Variants in ASPH observed in about 807,000 individuals in gnomAD.
ASPH encodes aspartyl/asparaginyl beta-hydroxylase.
A neutral mutation model predicts 118.4 loss-of-function variants in ASPH; 100 were observed. That is an observed-to-expected ratio of 0.84 (90% CI 0.72 to 1.00). The LOEUF is 1.00. Ranked by LOEUF, ASPH falls within the 50% of genes least tolerant of loss-of-function variation. The pLI, the probability that ASPH is intolerant of heterozygous loss-of-function variation, is 0.00. For synonymous variants in ASPH, 315 were observed against 325.6 expected (o/e 0.97, Z 0.35); for missense variants, 920 against 919.5 (o/e 1.00, Z -0.01).
At chr8:61,639,873 C>G (rs1024762510) in intron 10 of ASPH, among the ~76,000 whole-genome samples, 3 of 152,166 alleles carry the variant, frequency 2.0e-5, no homozygotes, top group Non-Finnish European at 4.4e-5. Flanking sequence ...CCCCCTGTCA[C>G]CAGGCTGCAG....
Position 61,643,976 on chromosome 8 carries a change from C to T in ASPH, c.678G>A (p.Met226Ile), listed in dbSNP as rs766064099. The T allele has an allele frequency of 5.0e-6, 8 of 1,611,008 alleles. No homozygotes were observed. The South Asian group carries it at 8.8e-5, about 18-fold the overall frequency. ...TTTCCTGCTCAGACATCATCTCTTC[C>T]ATATCCTGATTACAGTCTTGTGAAA... ...ETVSQDCNQD[M>I]EEMMSEQENP... Residue 226 changes from methionine (M) to isoleucine (I), a missense_variant, in exon 8 of 25, where the codon ATG becomes ATA. Coordinates refer to ENST00000379454, the MANE Select transcript of ASPH (RefSeq NM_004318.4).
intron 13 of ASPH, among the ~76,000 whole-genome samples, chr8:61,622,333 A>G (rs1851259579): frequency 6.6e-6 from 1 of 152,172 alleles, no homozygotes; most frequent in Non-Finnish European, 1.5e-5. Flanking sequence ...CGAGACTCTG[A>G]GACTCCGTCT....
intron 3 of ASPH, among the ~76,000 whole-genome samples, chr8:61,669,349 T>C (rs1821270867): frequency 6.6e-6 from 1 of 152,206 alleles, no homozygotes. Context: ...GGTTGAAATA[T>C]CAATATTCTT....
intron 5 of ASPH, among the ~76,000 whole-genome samples, 193 bp downstream of exon 5, chr8:61,650,857 C>A (rs573097944): frequency 1.3e-5 from 2 of 152,142 alleles, no homozygotes; most frequent in Middle Eastern, 3.2e-3. Flanking sequence ...AGTTCCTCCA[C>A]GGTGAAGTAG....
At chr8:61,645,169 T>A (rs1168678950) in intron 6 of ASPH, among the ~76,000 whole-genome samples, 2 of 152,210 alleles carry the variant, frequency 1.3e-5, no homozygotes, top group Non-Finnish European at 2.9e-5. Flanking sequence ...TTAATGCATA[T>A]ATAAAGAATA....
At chr8:61,662,516 T>C (rs1817422326) in intron 3 of ASPH, among the ~76,000 whole-genome samples, 1 of 152,150 alleles carries the variant, frequency 6.6e-6, no homozygotes, top group African/African-American at 2.4e-5. Context: ...AACAACCTAC[T>C]GAATAAAAAG....
intron 15 of ASPH, chr8:61,579,077 T>C (rs1836444775): frequency 1.2e-6 from 2 of 1,609,544 alleles, no homozygotes; most frequent in South Asian, 1.1e-5. Flanking sequence ...AGATCAAGTA[T>C]GAGGAGCTGC....
At chr8:61,575,097 T>C (rs58048003) in intron 16 of ASPH, among the ~76,000 whole-genome samples, 14,388 of 152,148 alleles carry the variant, frequency 0.095, 967 homozygotes, top group East Asian at 0.27. Context: ...CCACATGTTG[T>C]CTCCCCAGAG....
chr8:61,706,455 A>AAGAAGG (rs1554594966), intron 1 of ASPH, among the ~76,000 whole-genome samples: 16 of 142,214 alleles, frequency 1.1e-4, no homozygotes, highest in African/African-American at 3.8e-4. Context: ...GAAGAAGAAG[A>AAGAAGG]AGGAGGAAGA....
chr8:61,700,755 A>AT (rs1409949952), intron 1 of ASPH, among the ~76,000 whole-genome samples: 1 of 152,230 alleles, frequency 6.6e-6, no homozygotes, highest in Non-Finnish European at 1.5e-5. Context: ...TTCCGCTACA[A>AT]TATTAACATG....
chr8:61,501,368 A>G lies in ASPH; in HGVS notation c.*1991T>C, dbSNP rs1804899197. 6.6e-6 allele frequency: 1 copy of G among 152,178 alleles called. No individual in the cohort carries two copies. Among genetic ancestry groups the G allele is most frequent in the African/African-American group, 2.4e-5 (1 of 41,464 alleles). 9.4% of individuals were successfully genotyped at this position (152,178 alleles called of 1,614,324 possible). On this transcript the variant is annotated 3_prime_UTR_variant, in exon 25 of 25. Coordinates refer to ENST00000379454, the MANE Select transcript of ASPH (RefSeq NM_004318.4). ...AGCTTTTCAATTGGCAATACTTAGA[A>G]CCTTACTGTAGTGACCTGATTTTAA...
chr8:61,684,567 T>C (rs777423090), intron 1 of ASPH: 46 of 163,892 alleles, frequency 2.8e-4, no homozygotes, highest in Non-Finnish European at 4.8e-4. Flanking sequence ...TCCCATTTCA[T>C]TTCTGCAGAA....
intron 1 of ASPH, among the ~76,000 whole-genome samples, chr8:61,707,374 A>T (rs1468798398): frequency 1.3e-5 from 2 of 152,230 alleles, no homozygotes; most frequent in Admixed American, 6.5e-5. Context: ...TAATTAGAAA[A>T]ATGCAAGTTT....
intron 16 of ASPH, among the ~76,000 whole-genome samples, chr8:61,571,932 C>G (rs1297470897): frequency 6.6e-6 from 1 of 152,168 alleles, no homozygotes; most frequent in Non-Finnish European, 1.5e-5. Flanking sequence ...TTAGCAATTT[C>G]AGAGAATTAC....
intron 21 of ASPH, among the ~76,000 whole-genome samples, chr8:61,526,414 A>T (rs1328876377): frequency 6.6e-6 from 1 of 152,180 alleles, no homozygotes; most frequent in East Asian, 1.9e-4. Flanking sequence ...CCACAACCTA[A>T]GAAGAGTACT....
At chr8:61,691,128 T>G (rs185734116) in intron 1 of ASPH, among the ~76,000 whole-genome samples, 17 of 152,338 alleles carry the variant, frequency 1.1e-4, no homozygotes, top group Admixed American at 9.8e-4. Flanking sequence ...GATGCCTGTT[T>G]TAGGGGCAGT....
intron 3 of ASPH, among the ~76,000 whole-genome samples, chr8:61,655,912 A>G (rs180829931): frequency 1.3e-5 from 2 of 152,254 alleles, no homozygotes; most frequent in Non-Finnish European, 2.9e-5. Context: ...CCTCCTCTAG[A>G]CCTCTATAAA....
chr8:61,567,268 T>G lies in ASPH; in HGVS notation c.1200A>C (p.Gly400=). The G allele has an allele frequency of 6.2e-7, 1 of 1,614,088 alleles. No individual in the cohort carries two copies. The highest frequency in any genetic ancestry group is 8.5e-7 in the Non-Finnish European group (1 of 1,180,012). ...EKRRSNEVLR[G]AIETYQEVAS... Reference sequence around the variant, plus strand: ...CCACCTCTTGGTAGGTCTCGATGGCTCCACGTAGCACCTCATTACTTCTCC... The same window carrying G: ...CCACCTCTTGGTAGGTCTCGATGGCGCCACGTAGCACCTCATTACTTCTCC... Residue 400 remains glycine, a synonymous_variant, in exon 17 of 25, where the codon GGA becomes GGC. Transcript: ENST00000379454.
At chr8:61,680,856 G>C in intron 3 of ASPH, 112 bp downstream of exon 3, 1 of 790,634 alleles carries the variant, frequency 1.3e-6, no homozygotes, top group Non-Finnish European at 1.9e-6. Flanking sequence ...ATGATTTAAG[G>C]GAGAAAAGTC....
Sources: allele counts gnomAD v4.1 joint callset (sites outside exome capture counted in the v4.1 genomes callset), GRCh38; gene constraint gnomAD v4.1.1; transcripts MANE v1.5; gene names NCBI Gene and HGNC (gene_info 2026-07-23, HGNC 2026-07-21).